Variants in ADGRL2 observed in about 807,000 individuals in gnomAD.
ADGRL2 encodes the protein calcium-independent alpha-latrotoxin receptor 2.
Under a neutral mutation model 157.4 loss-of-function variants are expected in ADGRL2, and 44 were observed. That is an observed-to-expected ratio of 0.28 (90% CI 0.22 to 0.36). ADGRL2 has a LOEUF of 0.36. ADGRL2 is among the 10% of genes least tolerant of loss of function. The pLI, the probability that ADGRL2 is intolerant of heterozygous loss-of-function variation, is 1.00. For synonymous variants in ADGRL2, 585 were observed against 624.7 expected (o/e 0.94, Z 0.95); for missense variants, 1,510 against 1,768.9 (o/e 0.85, Z 2.63).
chr1:81,651,885 T>C (rs1337046659), intron 3 of ADGRL2, among the ~76,000 whole-genome samples: 1 of 152,046 alleles, frequency 6.6e-6, no homozygotes, highest in Non-Finnish European at 1.5e-5. Context: ...TGCACCCAAC[T>C]AATTTTTTTT....
In ADGRL2 at chr1:81,985,365, C is replaced by T; in HGVS notation, c.3508+10C>T. ...TCAACACTTAATCAAGGTCAGTTAT[C>T]AGGAAAATTTGAGTTACTACCATTT... On this transcript the variant is annotated intron_variant, in intron 21 of 23. Transcript: ENST00000686636. 2 of 1,535,050 alleles carry T rather than the reference C, an allele frequency of 1.3e-6. No homozygotes were observed. The highest frequency in any genetic ancestry group is 8.9e-7 in the Non-Finnish European group (1 of 1,117,884).
At chr1:81,650,908 C>G (rs987359885) in intron 3 of ADGRL2, among the ~76,000 whole-genome samples, 1 of 152,146 alleles carries the variant, frequency 6.6e-6, no homozygotes, top group South Asian at 2.1e-4. Context: ...TCCCTGCCCC[C>G]ACCTCCATTT....
At chr1:81,428,860 G>A (rs974229074) in intron 1 of ADGRL2, among the ~76,000 whole-genome samples, 5 of 152,210 alleles carry the variant, frequency 3.3e-5, no homozygotes, top group Admixed American at 3.3e-4. Flanking sequence ...ATAGGGAAAG[G>A]GGAGAGAGAG....
chr1:81,590,276 C>T (rs11163335), intron 3 of ADGRL2, among the ~76,000 whole-genome samples: 80,472 of 151,908 alleles, frequency 0.53, 21,604 homozygotes, highest in East Asian at 0.67. Flanking sequence ...CTCAGCCTTT[C>T]GCTCCTTATT....
chr1:81,842,353 CTTTTTTTT>C (rs71085377), intron 2 of ADGRL2, among the ~76,000 whole-genome samples: 1 of 54,952 alleles, frequency 1.8e-5, no homozygotes, highest in Non-Finnish European at 3.0e-5. Flanking sequence ...TCTTTTAGCG[CTTTTTTTT>C]TTTTTTTTTT....
chr1:81,442,609 A>G (rs2077528338), intron 1 of ADGRL2, among the ~76,000 whole-genome samples: 1 of 152,170 alleles, frequency 6.6e-6, no homozygotes, highest in Admixed American at 6.5e-5. Context: ...TACCTGTCAT[A>G]GAACCTTTAC....
chr1:81,980,992 ATTGC>A, intron 18 of ADGRL2: 1 of 428,792 alleles, frequency 2.3e-6, no homozygotes, highest in South Asian at 6.0e-5. Context: ...TTATTTTTTA[ATTGC>A]TTGCCTCTGC....
At chr1:81,866,152 T>G (rs552792013) in intron 2 of ADGRL2, among the ~76,000 whole-genome samples, 1 of 152,344 alleles carries the variant, frequency 6.6e-6, no homozygotes, top group South Asian at 2.1e-4. Flanking sequence ...TTCTTCTTTC[T>G]AAAACATGTT....
At chr1:81,374,578 G>GAAAAAAAAAAAAAC (rs71242588) in intron 1 of ADGRL2, among the ~76,000 whole-genome samples, 1 of 130,256 alleles carries the variant, frequency 7.7e-6, no homozygotes, top group African/African-American at 3.0e-5. Flanking sequence ...TCTCAAAAAA[G>GAAAAAAAAAAAAAC]AAAAAAAAAA....
intron 3 of ADGRL2, among the ~76,000 whole-genome samples, chr1:81,621,397 C>T (rs2081786543): frequency 1.3e-5 from 2 of 152,134 alleles, no homozygotes; most frequent in Non-Finnish European, 2.9e-5. Flanking sequence ...GGTTGTCATT[C>T]CCACCTAAGA....
At chr1:81,503,278 G>A (rs1383280963) in intron 2 of ADGRL2, 16 of 1,614,104 alleles carry the variant, frequency 9.9e-6, no homozygotes, top group African/African-American at 1.3e-5. Flanking sequence ...TAACATGTCT[G>A]TGGACATCGA....
chr1:81,432,679 C>T (rs1026272785), intron 1 of ADGRL2, among the ~76,000 whole-genome samples: 1 of 152,238 alleles, frequency 6.6e-6, no homozygotes, highest in Non-Finnish European at 1.5e-5. Context: ...TCCTCGGCGC[C>T]GCTCCCCTCC....
chr1:81,482,894 A>G (rs1199183291), intron 2 of ADGRL2, among the ~76,000 whole-genome samples: 4 of 151,918 alleles, frequency 2.6e-5, no homozygotes, highest in Non-Finnish European at 5.9e-5. Flanking sequence ...CAGTGAGCAC[A>G]CAGAAACATC....
At chr1:81,839,405 G>A (rs966511976) in intron 2 of ADGRL2, among the ~76,000 whole-genome samples, 9 of 151,910 alleles carry the variant, frequency 5.9e-5, no homozygotes, top group Non-Finnish European at 1.0e-4. Flanking sequence ...TTTCCCGTAA[G>A]TTATTTGGGC....
chr1:81,639,815 C>T (rs529915736), intron 3 of ADGRL2, among the ~76,000 whole-genome samples: 42 of 152,220 alleles, frequency 2.8e-4, no homozygotes, highest in African/African-American at 8.2e-4. Flanking sequence ...ATTTCACAAT[C>T]GGTAGTTTCT....
At position 81,564,991 on chromosome 1, in the gene ADGRL2, A is replaced by C. The variant is rs142844500; in HGVS notation, c.-247-15885A>C. Among the ~76,000 whole-genome samples the C allele has an allele frequency of 2.3e-3, 351 of 152,332 alleles. 2 individuals are homozygous for C. Among genetic ancestry groups the C allele is most frequent in the African/African-American group, 7.8e-3 (326 of 41,580 alleles). On this transcript the variant is annotated intron_variant, in intron 2 of 24. Coordinates refer to the ADGRL2 transcript ENST00000370721. ...TTCTGATAAGGAGTCATCTAGCACA[A>C]AATTAATTTCTTTCAGAATTAAATT...
At chr1:81,933,346 CA>C in intron 3 of ADGRL2, among the ~76,000 whole-genome samples, 5 of 152,092 alleles carry the variant, frequency 3.3e-5, no homozygotes, top group Admixed American at 3.3e-4. Context: ...ATGGTATTAC[CA>C]AAATATACTG....
intron 2 of ADGRL2, among the ~76,000 whole-genome samples, chr1:81,493,273 C>A (rs1188215245): frequency 1.3e-5 from 2 of 152,154 alleles, no homozygotes; most frequent in African/African-American, 4.8e-5. Context: ...GGTTGCCCTG[C>A]ATGTCAGCAT....
At chr1:81,820,856 C>G (rs2090922123) in intron 1 of ADGRL2, among the ~76,000 whole-genome samples, 1 of 152,004 alleles carries the variant, frequency 6.6e-6, no homozygotes, top group South Asian at 2.1e-4. Context: ...GTGAAATAAC[C>G]ACACAGAAAA....
Sources: allele counts gnomAD v4.1 joint callset (sites outside exome capture counted in the v4.1 genomes callset), GRCh38; gene constraint gnomAD v4.1.1; transcripts MANE v1.5; gene names NCBI Gene and HGNC (gene_info 2026-07-23, HGNC 2026-07-21).